SCN4A: variants seen among roughly 807,000 people sequenced by gnomAD.
The protein encoded by SCN4A is sodium channel protein type 4 subunit alpha.
In SCN4A, 83 loss-of-function variants were observed where a neutral mutation model predicts 162.0. The observed-to-expected ratio is 0.51, with a 90% CI of 0.43 to 0.61. The LOEUF (loss-of-function observed/expected upper bound fraction) is 0.61. Ranked by LOEUF, SCN4A falls within the 20% of genes least tolerant of loss-of-function variation. SCN4A has a pLI of 0.00. For synonymous variants in SCN4A, 944 were observed against 985.1 expected, an observed-to-expected ratio of 0.96 and a Z score of 0.78; for missense variants, 2,196 against 2,462.5, an observed-to-expected ratio of 0.89 and a Z score of 2.29.
Position 63,943,850 on chromosome 17 carries a change from A to C in SCN4A, c.3913T>G (p.Leu1305Val). The change falls in exon 22 of 24, where the codon TTA becomes GTA. Residue 1305 changes from leucine to valine, a missense_variant and splice_region_variant. Transcript: ENST00000435607. ...GTCATAAAGATGTCTTTCCCCCCTA[A>C]GTATAGTGGGATAGGGCTTGTCAGG... Reference protein sequence around the residue: ...IDNFNQQKKKLGGKDIFMTEE... With the variant: ...IDNFNQQKKKVGGKDIFMTEE... The C allele has an allele frequency of 1.9e-6, 3 of 1,590,812 alleles. 1 individual carries two copies. The highest frequency in any genetic ancestry group is 2.2e-5 in the South Asian group (2 of 90,560).
chr17:63,959,298 T>G lies in SCN4A; in HGVS notation c.1986A>C (p.Val662=). Residue 662 remains valine, a synonymous_variant, in exon 12 of 24, where the codon GTA becomes GTC. Transcript: ENST00000435607. ...LSLVELGLAN[V]QGLSVLRSFR... ...AGGAGCGTAGCACAGACAGTCCCTG[T>G]ACGTTGGCCAGGCCTAGCTCTACCA... The G allele has an allele frequency of 1.2e-6, 2 of 1,613,660 alleles. No homozygotes were observed. Among genetic ancestry groups the G allele is most frequent in the Non-Finnish European group, 1.7e-6 (2 of 1,179,756 alleles).
Position 63,940,877 on chromosome 17 carries a change from C to CCGG in SCN4A, c.5402_5404dup (p.Ala1801dup). 6.2e-7 allele frequency: 1 copy of CCGG among 1,613,770 alleles called. No individual in the cohort carries two copies. Among genetic ancestry groups the CCGG allele is most frequent in the Non-Finnish European group, 8.5e-7 (1 of 1,179,854 alleles). The stretch of plus-strand genomic sequence containing the variant: ...GATGGGCATCAGCCCCATAGTGGGT[C>CCGG]CGGCGTCCCCTGCCTCGCCCTTCTC... On this transcript the variant is annotated inframe_insertion, in exon 24 of 24. Transcript: ENST00000435607.
At position 63,967,301 on chromosome 17, in the gene SCN4A, C is replaced by T. The variant is rs962342955; in HGVS notation, c.1036+722G>A. Among the ~76,000 whole-genome samples the T allele has an allele frequency of 7.9e-5, 12 of 152,054 alleles. No homozygotes were observed. The South Asian group carries it at 1.7e-3, about 21-fold the overall frequency. ...TGGAGTAGCTGGGATTACAGGCATG[C>T]GTCACCACGCCCGGCTAATTTTTGT... On this transcript the variant is annotated intron_variant, in intron 6 of 23. Coordinates refer to ENST00000435607, the MANE Select transcript of SCN4A (RefSeq NM_000334.4).
intron 18 of SCN4A, 52 bp downstream of exon 18, chr17:63,946,993 G>T (rs974192348): frequency 4.0e-6 from 6 of 1,507,270 alleles, no homozygotes; most frequent in African/African-American, 1.4e-5. Flanking sequence ...CTGCAGTGAA[G>T]GTGGCCGGTC....
At position 63,963,722 on chromosome 17, in the gene SCN4A, G is replaced by A. The variant is rs756661894; in HGVS notation, c.1556C>T (p.Ala519Val). ...SLDTSQGEKG[A>V]PRQSSSGDSG... is the part of the protein sequence containing the mutation. Reference sequence around the variant, plus strand: ...GTCTCCGCTGCTGCTCTGCCTCGGGGCTCCCTTCTCCCCTTGCGATGTGTC... The same window carrying A: ...GTCTCCGCTGCTGCTCTGCCTCGGGACTCCCTTCTCCCCTTGCGATGTGTC... Residue 519 changes from alanine (A) to valine (V), a missense_variant, in exon 10 of 24, where the codon GCC becomes GTC. Physicochemically the swap from Ala to Val is moderately conservative, Grantham distance 64. Transcript: ENST00000435607. The A allele has an allele frequency of 3.1e-6, 5 of 1,602,024 alleles. No homozygotes were observed. In the Admixed American group the frequency reaches 5.0e-5, roughly 16 times the overall value.
At position 63,957,196 on chromosome 17, in the gene SCN4A, A is replaced by T. The variant is rs890237074; in HGVS notation, c.2342T>A (p.Val781Asp). 1.3e-6 allele frequency: 2 copies of T among 1,589,998 alleles called. No homozygotes were observed. The highest frequency in any genetic ancestry group is 8.6e-7 in the Non-Finnish European group (1 of 1,163,484). ...GCCGATGACCATGACCATGAGGAAG[A>T]CGGTGAGGCACATGGCTTGGCCGGC... Reference protein sequence around the residue: ...EVAGQAMCLTVFLMVMVIGNL... With the variant: ...EVAGQAMCLTDFLMVMVIGNL... The change falls in exon 13 of 24, where the codon GTC (valine) becomes GAC (aspartate). Residue 781 changes from valine (V) to aspartate (D), a missense_variant. Transcript: ENST00000435607.
chr17:63,945,200 G>T lies in SCN4A; in HGVS notation c.3721-140C>A. 1 of 1,028,282 alleles carries T rather than the reference G, an allele frequency of 9.7e-7. No individual in the cohort carries two copies. Among genetic ancestry groups the T allele is most frequent in the African/African-American group, 1.6e-5 (1 of 63,032 alleles). 63.7% of individuals were successfully genotyped at this position (1,028,282 alleles called of 1,614,324 possible). On this transcript the variant is annotated intron_variant, in intron 19 of 23. Transcript: ENST00000435607. This position sits in a 1 kb window ranked among gnomAD's most constrained non-coding sequence, Gnocchi z 4.4. ...CCCCACTGGGCTAGCATCAAATAAA[G>T]ACCAGAGAGGTCTAGACACTGCCTG...
rs766591413 is a variant in SCN4A at position 63,941,383 on chromosome 17, C to A, written c.4899G>T (p.Gln1633His). 3 of 1,613,932 alleles carry A rather than the reference C, an allele frequency of 1.9e-6. No individual in the cohort carries two copies. The South Asian group carries it at 3.3e-5, about 18-fold the overall frequency. The change falls in exon 24 of 24, where the codon CAG becomes CAT. Residue 1633 changes from glutamine (Q) to histidine (H), a missense_variant. Physicochemically the swap from Gln to His is conservative, Grantham distance 24. Coordinates refer to ENST00000435607, the MANE Select transcript of SCN4A (RefSeq NM_000334.4). This position sits in a 1 kb window ranked among gnomAD's most constrained non-coding sequence, Gnocchi z 6.2. ...CTGAGAGGCGGCTGTAGGCGATGAA[C>A]TGGGTGGCGTCGGGGTCGAACTTCT... ...TWEKFDPDAT[Q>H]FIAYSRLSDF...
Position 63,966,513 on chromosome 17 carries a change from A to G in SCN4A, c.1068T>C (p.Asp356=), listed in dbSNP as rs778654878. 42 of 1,613,928 alleles carry G rather than the reference A, an allele frequency of 2.6e-5. No homozygotes were observed. Among genetic ancestry groups the G allele is most frequent in the Non-Finnish European group, 3.6e-5 (42 of 1,179,852 alleles). The change falls in exon 7 of 24, where the codon GAT becomes GAC. Residue 356 remains aspartate (D), a synonymous_variant. Transcript: ENST00000435607. ...GNFYFLEGSN[D]ALLCGNSSDA... ...CACTGCTGTTCCCACAGAGCAGGGCATCGTTGGAGCCCTCCAGGAAGTAGA... is the reference window on the plus strand; with the variant it reads ...CACTGCTGTTCCCACAGAGCAGGGCGTCGTTGGAGCCCTCCAGGAAGTAGA...
At chr17:63,942,131 T>G in intron 23 of SCN4A, 138 bp from the exon 24 acceptor site, 1 of 846,468 alleles carries the variant, frequency 1.2e-6, no homozygotes. Context: ...GACTGACAGG[T>G]GAGGCTGGGC....
At chr17:63,943,616 C>T in intron 22 of SCN4A, 130 bp downstream of exon 22, 2 of 626,172 alleles carry the variant, frequency 3.2e-6, no homozygotes, top group South Asian at 2.0e-5. Flanking sequence ...GTCCCCTGCC[C>T]CTGGGGTGGG....
In SCN4A at chr17:63,971,242, T is replaced by C. The variant is rs1305893862; in HGVS notation, c.623A>G (p.Glu208Gly). Reference sequence around the variant, plus strand: ...TGAGATGTTGCCCAAGTCCACAAACTCTGTCAGGTACCTGGGTAGGGGGTG... The same window carrying C: ...TGAGATGTTGCCCAAGTCCACAAACCCTGTCAGGTACCTGGGTAGGGGGTG... ...FSVIMMAYLT[E>G]FVDLGNISAL... The change falls in exon 5 of 24, where the codon GAG (glutamate) becomes GGG (glycine). Residue 208 changes from glutamate to glycine, a missense_variant. Transcript: ENST00000435607. 6.5e-7 allele frequency: 1 copy of C among 1,541,002 alleles called. No individual in the cohort carries two copies. Among genetic ancestry groups the C allele is most frequent in the Non-Finnish European group, 8.8e-7 (1 of 1,137,788 alleles).
At chr17:63,965,624 G>A (rs1038917172) in intron 8 of SCN4A, among the ~76,000 whole-genome samples, 3 of 152,132 alleles carry the variant, frequency 2.0e-5, no homozygotes, top group Non-Finnish European at 4.4e-5. Flanking sequence ...GAGTAGCTGG[G>A]AATATAGGCC....
chr17:63,958,032 G>T (rs1429323866), intron 12 of SCN4A, among the ~76,000 whole-genome samples: 4 of 144,372 alleles, frequency 2.8e-5, no homozygotes, highest in Non-Finnish European at 6.1e-5. Context: ...AAAAGAAAAA[G>T]AAAAGAAAAG....
rs1464481652 is a variant in SCN4A, at chr17:63,941,172, TCTC to T, written c.5107_5109del (p.Glu1703del). The stretch of plus-strand genomic sequence containing the variant: ...TTGGAGGGGTTGGCTGCCATGAACT[TCTC>T]CTCCATGGTCTGCTTGAGGGCGTCC... On this transcript the variant is annotated inframe_deletion, in exon 24 of 24. Transcript: ENST00000435607. This position sits in a 1 kb window ranked among gnomAD's most constrained non-coding sequence, Gnocchi z 6.2. 1 of 1,613,720 alleles carries T rather than the reference TCTC, an allele frequency of 6.2e-7. No individual in the cohort carries two copies. Among genetic ancestry groups the T allele is most frequent in the South Asian group, 1.1e-5 (1 of 91,068 alleles).
chr17:63,942,258 GGTGTGTGT>G lies in SCN4A; in HGVS notation c.4289-273_4289-266del, dbSNP rs58036769. ...CCCAAGGCTGTTTGCAAATGCCACT[GGTGTGTGT>G]GTGTGTGTGTGTGTGTGTGTGTGTG... On this transcript the variant is annotated intron_variant, in intron 23 of 23. Coordinates refer to ENST00000435607, the MANE Select transcript of SCN4A (RefSeq NM_000334.4). Among the ~76,000 whole-genome samples the G allele has an allele frequency of 5.7e-3, 791 of 138,634 alleles. 6 individuals are homozygous for G. The highest frequency in any genetic ancestry group is 8.2e-3 in the African/African-American group (262 of 32,080). 90.9% of individuals were successfully genotyped at this position (138,634 alleles called of 152,430 possible). A position where few individuals can be genotyped will look rare whatever the true frequency, so the allele number is the denominator to read the frequency against.
intron 12 of SCN4A, among the ~76,000 whole-genome samples, chr17:63,958,002 T>TAAAA (rs60393540): frequency 1.8e-5 from 1 of 55,198 alleles, no homozygotes; most frequent in Admixed American, 2.0e-4. Context: ...AAAACTCCAC[T>TAAAA]AAAAAAAAAA....
rs567687725 is a variant in SCN4A at position 63,939,324 on chromosome 17, T to G, written c.*1447A>C. On this transcript the variant is annotated 3_prime_UTR_variant, in exon 24 of 24. Transcript: ENST00000435607. ...CTCCCAGGGACAGGCCTGCACAGTA[T>G]GACACACCAGCCGTACTCCATGGAC... 5.2e-5 allele frequency: 8 copies of G among 152,534 alleles called. No individual in the cohort carries two copies. Among genetic ancestry groups the G allele is most frequent in the Non-Finnish European group, 1.0e-4 (7 of 68,188 alleles). The allele number at this position is 152,534 out of a possible 1,614,324, so 9.4% of individuals were successfully genotyped here.
chr17:63,953,645 G>GCAC (rs893187822), intron 13 of SCN4A, among the ~76,000 whole-genome samples: 2 of 149,288 alleles, frequency 1.3e-5, no homozygotes, highest in Non-Finnish European at 3.0e-5. Context: ...TGCACCCACT[G>GCAC]CACTCCAGCC....
Sources: gnomAD v4.1 joint callset for allele counts (sites outside exome capture counted in the v4.1 genomes callset) on GRCh38, gnomAD v4.1.1 for gene constraint, Gnocchi (gnomAD v3.1) non-coding constraint, MANE v1.5 for transcripts, NCBI Gene and HGNC (gene_info 2026-07-23, HGNC 2026-07-21) for gene names.